The following RTTN variants were observed in gnomAD, a reference collection of about 807,000 sequenced individuals.
RTTN encodes the protein rotatin.
In RTTN, 182 loss-of-function variants were observed where a neutral mutation model predicts 269.2. The observed-to-expected ratio is 0.68, with a 90% CI of 0.60 to 0.76. The LOEUF (loss-of-function observed/expected upper bound fraction) is 0.76, where lower values mean the gene tolerates loss of function less well. RTTN is among the 30% of genes least tolerant of loss of function. RTTN has a pLI of 0.00. For missense variants in RTTN, 2,545 were observed against 2,608.6 expected, an observed-to-expected ratio of 0.98 and a Z score of 0.53; for synonymous variants, 1,006 against 963.5, an observed-to-expected ratio of 1.04 and a Z score of -0.82.
chr18:70,047,573 T>C (rs775907569), intron 40 of RTTN, among the ~76,000 whole-genome samples: 29 of 152,194 alleles, frequency 1.9e-4, no homozygotes, highest in Non-Finnish European at 3.4e-4. Flanking sequence ...CTGTGGTCCA[T>C]TTCTAGAAAT....
intron 38 of RTTN, among the ~76,000 whole-genome samples, chr18:70,053,127 C>T (rs1005301289): frequency 3.9e-5 from 6 of 152,178 alleles, no homozygotes; most frequent in Admixed American, 3.9e-4. Context: ...AGTTTTGTGG[C>T]ACTAGTCTTG....
chr18:70,113,422 A>G lies in RTTN; in HGVS notation c.3683+1023T>C, dbSNP rs190985843. ...GATATGAAGAAAATGAAACACTCAT[A>G]CATTGCTGGTGGGAATGTAAAATGG... is the stretch of plus-strand genomic sequence containing the variant. On this transcript the variant is annotated intron_variant, in intron 27 of 48. Coordinates refer to ENST00000640769, the MANE Select transcript of RTTN (RefSeq NM_173630.4). 5.9e-5 allele frequency among the ~76,000 whole-genome samples: 9 copies of G among 152,320 alleles called. No individual in the cohort carries two copies. In the East Asian group the frequency reaches 1.3e-3, roughly 23 times the overall value.
intron 7 of RTTN, among the ~76,000 whole-genome samples, chr18:70,193,844 G>GA (rs1202438276): frequency 2.6e-5 from 4 of 152,318 alleles, no homozygotes; most frequent in East Asian, 1.9e-4. Flanking sequence ...GCTCTTAGCG[G>GA]AAAAAATAAA....
chr18:70,018,577 CTT>C (rs796607198), intron 45 of RTTN, among the ~76,000 whole-genome samples: 37 of 152,262 alleles, frequency 2.4e-4, no homozygotes, highest in African/African-American at 8.4e-4. Flanking sequence ...ATAAAATAAA[CTT>C]AACGTTTTTA....
At chr18:70,115,850 T>C (rs1455471199) in intron 26 of RTTN, among the ~76,000 whole-genome samples, 2 of 152,102 alleles carry the variant, frequency 1.3e-5, no homozygotes, top group Admixed American at 6.5e-5. Flanking sequence ...AATGAAAATA[T>C]GTAAAGAAAC....
At chr18:70,175,407 A>G (rs1474716074) in intron 11 of RTTN, among the ~76,000 whole-genome samples, 3 of 152,178 alleles carry the variant, frequency 2.0e-5, no homozygotes, top group Non-Finnish European at 4.4e-5. Flanking sequence ...AAGACATACT[A>G]AGGTATGAAA....
chr18:70,120,711 T>C (rs1012335871), intron 26 of RTTN, among the ~76,000 whole-genome samples: 2 of 152,178 alleles, frequency 1.3e-5, no homozygotes, highest in Non-Finnish European at 2.9e-5. Context: ...ACACGCTTCT[T>C]AGAATAAGAA....
chr18:70,103,885 G>A (rs1266854113), intron 28 of RTTN, among the ~76,000 whole-genome samples: 8 of 151,660 alleles, frequency 5.3e-5, no homozygotes, highest in Non-Finnish European at 1.0e-4. Context: ...TTCCCTTTGC[G>A]TGTAACGGGA....
chr18:70,172,019 A>C (rs1364983658), intron 11 of RTTN, among the ~76,000 whole-genome samples: 2 of 152,178 alleles, frequency 1.3e-5, no homozygotes, highest in Admixed American at 1.3e-4. Context: ...AAGCATCACT[A>C]GCTAAGAGTA....
chr18:70,125,844 A>G (rs1046370941), intron 25 of RTTN, among the ~76,000 whole-genome samples: 1 of 151,988 alleles, frequency 6.6e-6, no homozygotes, highest in Admixed American at 6.6e-5. Context: ...CCTCATTAGT[A>G]CATACATTGC....
chr18:70,020,375 C>T (rs997045501), intron 45 of RTTN, among the ~76,000 whole-genome samples: 11 of 152,078 alleles, frequency 7.2e-5, no homozygotes, highest in Non-Finnish European at 1.0e-4. Context: ...AAATACAATC[C>T]GAAAGCTAAG....
chr18:70,185,051 A>G (rs959931562), intron 10 of RTTN, among the ~76,000 whole-genome samples: 3 of 152,130 alleles, frequency 2.0e-5, no homozygotes, highest in Admixed American at 2.0e-4. Context: ...GATCAAATAG[A>G]TTCCAGAAGT....
At chr18:70,006,642 T>C in intron 46 of RTTN, 158 bp from the exon 47 acceptor site, 2 of 614,418 alleles carry the variant, frequency 3.3e-6, no homozygotes, top group Non-Finnish European at 5.9e-6. Context: ...TGCCATGTGG[T>C]ATATGGGAGG....
intron 23 of RTTN, among the ~76,000 whole-genome samples, chr18:70,133,155 A>G (rs1324207986): frequency 6.6e-6 from 1 of 152,176 alleles, no homozygotes; most frequent in East Asian, 1.9e-4. Flanking sequence ...TATTTGGGAC[A>G]TGAGGCTTCC....
Position 70,006,463 on chromosome 18 carries a change from G to T in RTTN, c.6443C>A (p.Ala2148Asp), listed in dbSNP as rs757807524. ...LANEKVITVL[A>D]ACLESENQNA... ...TTGATTCTCACTTTCCAGACAGGCA[G>T]CAAGCACAGTAATGACTTTTTCTAA... The change falls in exon 47 of 49, where the codon GCT becomes GAT. Residue 2148 changes from alanine to aspartate, a missense_variant. Physicochemically the swap from Ala to Asp is moderately radical, Grantham distance 126. Transcript: ENST00000640769. The T allele has an allele frequency of 3.1e-6, 5 of 1,613,786 alleles. No individual in the cohort carries two copies. Among genetic ancestry groups the T allele is most frequent in the Non-Finnish European group, 4.2e-6 (5 of 1,179,698 alleles).
intron 3 of RTTN, among the ~76,000 whole-genome samples, chr18:70,203,170 AT>A (rs1202431966): frequency 4.6e-5 from 7 of 152,208 alleles, no homozygotes; most frequent in Non-Finnish European, 1.0e-4. Context: ...ACATTGTCTC[AT>A]CTAATCTCAT....
At position 70,059,839 on chromosome 18, in the gene RTTN, T is replaced by G; in HGVS notation, c.4940+11A>C. ...AACTAACATGCCTCTCTAGGAGTAT[T>G]TATCTCTTACCTACAGAGAAGTTCT... On this transcript the variant is annotated intron_variant, in intron 36 of 48. Coordinates refer to ENST00000640769, the MANE Select transcript of RTTN (RefSeq NM_173630.4). 6.4e-7 allele frequency: 1 copy of G among 1,566,610 alleles called. No homozygotes were observed. Among genetic ancestry groups the G allele is most frequent in the Non-Finnish European group, 8.7e-7 (1 of 1,152,830 alleles).
intron 16 of RTTN, 115 bp downstream of exon 16, chr18:70,149,856 A>G (rs891274125): frequency 1.3e-6 from 1 of 792,618 alleles, no homozygotes; most frequent in African/African-American, 1.7e-5. Context: ...CAGCGCCTTC[A>G]CAGCTTCTCT....
intron 27 of RTTN, among the ~76,000 whole-genome samples, chr18:70,110,122 T>G (rs1166527428): frequency 6.6e-6 from 1 of 151,740 alleles, no homozygotes; most frequent in Non-Finnish European, 1.5e-5. Flanking sequence ...TCCCAGCTAC[T>G]CAGGAAGCTG....
Sources: gnomAD v4.1 joint callset for allele counts (sites outside exome capture counted in the v4.1 genomes callset) on GRCh38, gnomAD v4.1.1 for gene constraint, MANE v1.5 for transcripts, NCBI Gene and HGNC (gene_info 2026-07-23, HGNC 2026-07-21) for gene names.